The following PDE4D variants were observed in gnomAD, a reference collection of about 807,000 sequenced individuals.
The protein encoded by PDE4D is phosphodiesterase 4D, also known as 3',5'-cyclic-AMP phosphodiesterase 4D.
A neutral mutation model predicts 87.4 loss-of-function variants in PDE4D; 24 were observed. That is an observed-to-expected ratio of 0.27 (90% CI 0.20 to 0.39). The LOEUF (loss-of-function observed/expected upper bound fraction) is 0.39. PDE4D is among the 10% of genes least tolerant of loss of function. The pLI, the probability that PDE4D is intolerant of heterozygous loss-of-function variation, is 1.00. For missense variants in PDE4D, 714 were observed against 1,041.0 expected (o/e 0.69, Z 4.32); for synonymous variants, 384 against 383.2 (o/e 1.00, Z -0.02).
chr5:59,604,667 A>T (rs1001803531), intron 1 of PDE4D, among the ~76,000 whole-genome samples: 3 of 152,014 alleles, frequency 2.0e-5, no homozygotes, highest in Non-Finnish European at 4.4e-5. Context: ...ATTTGAAAAG[A>T]TCTTCAATCT....
chr5:59,157,494 A>G, intron 5 of PDE4D: 1 of 623,318 alleles, frequency 1.6e-6, no homozygotes, highest in East Asian at 2.8e-5. Context: ...TTTAAAAAGA[A>G]TATTCATTTC....
At chr5:59,758,692 A>G (rs1384372187) in intron 1 of PDE4D, among the ~76,000 whole-genome samples, 2 of 152,136 alleles carry the variant, frequency 1.3e-5, no homozygotes, top group African/African-American at 4.8e-5. Context: ...TACCACCAAT[A>G]CCTTCATTCT....
At chr5:59,387,500 C>T (rs1368796374) in intron 1 of PDE4D, among the ~76,000 whole-genome samples, 1 of 152,030 alleles carries the variant, frequency 6.6e-6, no homozygotes, top group Non-Finnish European at 1.5e-5. Flanking sequence ...CATGATTTCT[C>T]AATGAGAAAG....
intron 1 of PDE4D, among the ~76,000 whole-genome samples, chr5:60,319,763 C>G (rs1027596828): frequency 2.0e-5 from 3 of 152,196 alleles, no homozygotes; most frequent in Admixed American, 6.5e-5. Context: ...GACCCTGTTT[C>G]CCTGGGTATC....
chr5:59,909,282 T>A (rs1427951709), intron 3 of PDE4D, among the ~76,000 whole-genome samples: 1 of 152,170 alleles, frequency 6.6e-6, no homozygotes, highest in Non-Finnish European at 1.5e-5. Context: ...GAAGACCACT[T>A]ATTTAGAATC....
chr5:60,429,125 T>A (rs1462132807), intron 1 of PDE4D, among the ~76,000 whole-genome samples: 3 of 152,246 alleles, frequency 2.0e-5, no homozygotes, highest in Admixed American at 1.3e-4. Flanking sequence ...AGGAGATTCT[T>A]CCTATCCATG....
intron 1 of PDE4D, chr5:59,356,832 C>G (rs747836555): frequency 6.5e-7 from 1 of 1,549,384 alleles, no homozygotes; most frequent in South Asian, 1.2e-5. Flanking sequence ...CCAGAGGATC[C>G]CAAACAAAAG....
intron 1 of PDE4D, among the ~76,000 whole-genome samples, chr5:59,322,184 G>T (rs866703763): frequency 6.6e-6 from 1 of 152,084 alleles, no homozygotes; most frequent in Admixed American, 6.6e-5. Context: ...GTTTTTATAA[G>T]TGTGCTGGAT....
intron 1 of PDE4D, among the ~76,000 whole-genome samples, chr5:59,882,960 G>A (rs1749667434): frequency 6.6e-6 from 1 of 152,180 alleles, no homozygotes; most frequent in South Asian, 2.1e-4. Context: ...GTATTTTTTG[G>A]TAGAGACAGG....
intron 1 of PDE4D, among the ~76,000 whole-genome samples, chr5:59,246,059 A>C (rs539091302): frequency 1.3e-5 from 2 of 151,136 alleles, no homozygotes; most frequent in African/African-American, 4.8e-5. Context: ...AGGATGGAAT[A>C]ACTAGTATCT....
In PDE4D at chr5:60,118,296, G is replaced by C. The variant is rs538427898; in HGVS notation, c.42+67261C>G. On this transcript the variant is annotated intron_variant, in intron 2 of 16. Coordinates refer to the PDE4D transcript ENST00000502484. ...TGGTGACCTCTGGCTCCTTGAGACT[G>C]TTTAAGTTGAGGTTTACTTATGCTG... 3.3e-5 allele frequency among the ~76,000 whole-genome samples: 5 copies of C among 152,258 alleles called. No homozygotes were observed. The East Asian group carries it at 9.7e-4, about 29-fold the overall frequency.
At chr5:60,338,815 G>A (rs993965618) in intron 1 of PDE4D, among the ~76,000 whole-genome samples, 7 of 152,014 alleles carry the variant, frequency 4.6e-5, no homozygotes, top group African/African-American at 1.7e-4. Context: ...ATATGCTGAG[G>A]TTGCCCCTTC....
chr5:59,398,510 G>T, intron 1 of PDE4D, among the ~76,000 whole-genome samples: 1 of 126,912 alleles, frequency 7.9e-6, no homozygotes, highest in Non-Finnish European at 1.7e-5. Context: ...TGCAGAAAAG[G>T]CCTTTGACAA....
At chr5:60,012,759 G>T (rs938410153) in intron 2 of PDE4D, among the ~76,000 whole-genome samples, 4 of 152,140 alleles carry the variant, frequency 2.6e-5, no homozygotes, top group East Asian at 1.9e-4. Flanking sequence ...AGAAGTTAAA[G>T]ATTAGATCAT....
intron 1 of PDE4D, chr5:60,262,411 C>A (rs1288832280): frequency 6.6e-6 from 1 of 152,160 alleles, no homozygotes; most frequent in Admixed American, 6.5e-5. Flanking sequence ...TGTTCTGGGA[C>A]CTTAGACAAG....
chr5:59,328,862 T>C (rs1776195078), intron 1 of PDE4D, among the ~76,000 whole-genome samples: 1 of 152,214 alleles, frequency 6.6e-6, no homozygotes, highest in Non-Finnish European at 1.5e-5. Flanking sequence ...AAAGGTGGGC[T>C]TTTTGCCAAA....
At position 60,115,502 on chromosome 5, in the gene PDE4D, A is replaced by T. The variant is rs1275440241; in HGVS notation, c.42+70055T>A. Among the ~76,000 whole-genome samples, 3 of 152,170 alleles carry T rather than the reference A, an allele frequency of 2.0e-5. No homozygotes were observed. The East Asian group carries it at 5.8e-4, about 29-fold the overall frequency. ...AAACTAGTAATTTTGAGCACCTACTATGTACCAGATACAGGGCAAAGAACT... is the reference window on the plus strand; with the variant it reads ...AAACTAGTAATTTTGAGCACCTACTTTGTACCAGATACAGGGCAAAGAACT... On this transcript the variant is annotated intron_variant, in intron 2 of 16. Transcript: ENST00000502484.
intron 1 of PDE4D, among the ~76,000 whole-genome samples, chr5:60,494,240 C>T (rs1357949187): frequency 6.6e-6 from 1 of 152,170 alleles, no homozygotes; most frequent in East Asian, 1.9e-4. Context: ...TGATCCTGCT[C>T]CTGGCAGAAG....
At chr5:60,468,679 T>C (rs1487129702) in intron 1 of PDE4D, among the ~76,000 whole-genome samples, 4 of 152,008 alleles carry the variant, frequency 2.6e-5, no homozygotes, top group African/African-American at 9.7e-5. Flanking sequence ...TGTGCCACCA[T>C]GTCTGGCTAA....
Sources: gnomAD v4.1 joint callset for allele counts (sites outside exome capture counted in the v4.1 genomes callset) on GRCh38, gnomAD v4.1.1 for gene constraint, MANE v1.5 for transcripts, NCBI Gene and HGNC (gene_info 2026-07-23, HGNC 2026-07-21) for gene names.